FGF10: variants seen among roughly 807,000 people sequenced by gnomAD.
FGF10 encodes fibroblast growth factor 10, also known as FGF-10.
In FGF10, 2 loss-of-function variants were observed where a neutral mutation model predicts 19.8. That is an observed-to-expected ratio of 0.10 (90% confidence interval 0.04 to 0.32). FGF10 has a LOEUF of 0.32. Ranked by LOEUF, FGF10 falls within the 10% of genes least tolerant of loss-of-function variation. FGF10 has a pLI of 1.00. For missense variants in FGF10, 191 were observed against 246.3 expected (o/e 0.78, Z 1.50); for synonymous variants, 112 against 94.0 (o/e 1.19, Z -1.10).
chr5:44,340,049 G>C (rs1330263691), intron 1 of FGF10, among the ~76,000 whole-genome samples: 5 of 152,064 alleles, frequency 3.3e-5, no homozygotes, highest in African/African-American at 1.2e-4. Context: ...TTGTCCCAGT[G>C]ACCACTTGCC....
intron 1 of FGF10, among the ~76,000 whole-genome samples, chr5:44,376,502 A>AAAAC (rs778580039): frequency 2.6e-5 from 3 of 113,574 alleles, no homozygotes; most frequent in East Asian, 4.0e-4. Context: ...AAAAAAAAAA[A>AAAAC]AAAAAAAAAA....
At chr5:44,366,127 CTTTT>C (rs35522683) in intron 1 of FGF10, among the ~76,000 whole-genome samples, 1 of 74,810 alleles carries the variant, frequency 1.3e-5, no homozygotes, top group African/African-American at 5.1e-5. Flanking sequence ...CAATTATTTC[CTTTT>C]TTTTTTTTTT....
intron 1 of FGF10, among the ~76,000 whole-genome samples, chr5:44,343,882 G>T (rs1402978498): frequency 6.6e-6 from 1 of 151,858 alleles, no homozygotes; most frequent in Non-Finnish European, 1.5e-5. Flanking sequence ...GAGTCAATTT[G>T]CAGGAAAAGA....
At chr5:44,373,746 T>C (rs947117072) in intron 1 of FGF10, among the ~76,000 whole-genome samples, 1 of 152,182 alleles carries the variant, frequency 6.6e-6, no homozygotes, top group Admixed American at 6.5e-5. Context: ...TTCTCTACTG[T>C]GCCTCACACC....
chr5:44,368,723 C>G (rs2111878096), intron 1 of FGF10, among the ~76,000 whole-genome samples: 1 of 152,106 alleles, frequency 6.6e-6, no homozygotes, highest in African/African-American at 2.4e-5. Flanking sequence ...GGCTAGGGTT[C>G]AGTGGCACCA....
In FGF10 at chr5:44,388,506, AGAG is replaced by A. The variant is rs1346852406; in HGVS notation, c.174_176del (p.Ser59del). 5 of 1,614,102 alleles carry A rather than the reference AGAG, an allele frequency of 3.1e-6. No homozygotes were observed. The highest frequency in any genetic ancestry group is 1.7e-5 in the Admixed American group (1 of 60,022). On this transcript the variant is annotated inframe_deletion, in exon 1 of 3. Transcript: ENST00000264664. ...GCACATGCCTTCCCGCGCTGGAAGGAGAGGAGAAGGAGGAGGAAGAAGAGTTGG... is the reference window on the plus strand; with the variant it reads ...GCACATGCCTTCCCGCGCTGGAAGGAGAGAAGGAGGAGGAAGAAGAGTTGG...
chr5:44,343,119 A>C (rs989107793), intron 1 of FGF10, among the ~76,000 whole-genome samples: 18 of 152,052 alleles, frequency 1.2e-4, no homozygotes, highest in Non-Finnish European at 2.1e-4. Flanking sequence ...TTTGTTTACA[A>C]AAATAATTTT....
intron 1 of FGF10, among the ~76,000 whole-genome samples, chr5:44,349,805 T>C (rs916343339): frequency 1.1e-4 from 16 of 151,256 alleles, no homozygotes; most frequent in African/African-American, 3.9e-4. Context: ...GTTAAGGTCA[T>C]AGTCTTTGGA....
At position 44,355,061 on chromosome 5, in the gene FGF10, A is replaced by G. The variant is rs17234128; in HGVS notation, c.325+33297T>C. On this transcript the variant is annotated intron_variant, in intron 1 of 2. Coordinates refer to ENST00000264664, the MANE Select transcript of FGF10 (RefSeq NM_004465.2). ...TTCGCATGTACCTAGTCTCTAAATT[A>G]TGTGTGCACATAGTGTATAGAACTA... 1.3e-4 allele frequency among the ~76,000 whole-genome samples: 19 copies of G among 151,604 alleles called. No homozygotes were observed. In the East Asian group the frequency reaches 2.0e-3, roughly 16 times the overall value.
At chr5:44,379,298 T>C (rs1275589692) in intron 1 of FGF10, among the ~76,000 whole-genome samples, 1 of 152,232 alleles carries the variant, frequency 6.6e-6, no homozygotes, top group African/African-American at 2.4e-5. Context: ...ACAATGCATT[T>C]ATTCGTGCCT....
chr5:44,313,662 C>T (rs192112160), intron 1 of FGF10, among the ~76,000 whole-genome samples: 43 of 151,796 alleles, frequency 2.8e-4, no homozygotes, highest in African/African-American at 9.7e-4. Context: ...TTATATTTCC[C>T]ATTCATGTAA....
At chr5:44,340,168 G>A (rs1233747239) in intron 1 of FGF10, among the ~76,000 whole-genome samples, 1 of 152,070 alleles carries the variant, frequency 6.6e-6, no homozygotes, top group Admixed American at 6.6e-5. Context: ...AAAAATGACG[G>A]GAGCAGATGA....
chr5:44,377,286 G>A (rs1741888504), intron 1 of FGF10, among the ~76,000 whole-genome samples: 1 of 152,036 alleles, frequency 6.6e-6, no homozygotes, highest in Non-Finnish European at 1.5e-5. Context: ...TGCCTTATAT[G>A]CTCTTCCAAC....
intron 1 of FGF10, among the ~76,000 whole-genome samples, chr5:44,326,811 T>A (rs529494110): frequency 6.6e-6 from 1 of 152,314 alleles, no homozygotes; most frequent in African/African-American, 2.4e-5. Flanking sequence ...AATAAATTTA[T>A]CTGAAGAAAC....
chr5:44,369,298 C>G (rs2111879624), intron 1 of FGF10, among the ~76,000 whole-genome samples: 1 of 152,220 alleles, frequency 6.6e-6, no homozygotes, highest in East Asian at 1.9e-4. Context: ...CATTAAAGAA[C>G]TCTTTGAGTT....
intron 1 of FGF10, among the ~76,000 whole-genome samples, chr5:44,384,648 G>T (rs909900154): frequency 6.6e-6 from 1 of 152,100 alleles, no homozygotes; most frequent in Non-Finnish European, 1.5e-5. Flanking sequence ...ATGTCTAGTT[G>T]AATGACCTTG....
rs111997652 is a variant in FGF10 at position 44,323,813 on chromosome 5, G to T, written c.326-13283C>A. ...TGCTTACATTGTTTTAAAGTAGTAT[G>T]TTCTTGAGAAAGTGCTCATGCCCTT... On this transcript the variant is annotated intron_variant, in intron 1 of 2. Coordinates refer to ENST00000264664, the MANE Select transcript of FGF10 (RefSeq NM_004465.2). Among the ~76,000 whole-genome samples the T allele has an allele frequency of 7.9e-5, 12 of 152,170 alleles. 3 individuals carry two copies. Among genetic ancestry groups the T allele is most frequent in the African/African-American group, 2.6e-4 (11 of 41,560 alleles).
intron 1 of FGF10, among the ~76,000 whole-genome samples, chr5:44,382,417 A>C (rs1490242584): frequency 6.6e-6 from 1 of 152,206 alleles, no homozygotes; most frequent in Non-Finnish European, 1.5e-5. Context: ...TCTGTAAAAC[A>C]TCAACATTTT....
chr5:44,360,866 C>G (rs1453247395), intron 1 of FGF10, among the ~76,000 whole-genome samples: 1 of 151,682 alleles, frequency 6.6e-6, no homozygotes, highest in Non-Finnish European at 1.5e-5. Context: ...AATGGCCTGA[C>G]TACTTTATCG....
Sources: gnomAD v4.1 joint callset for allele counts (sites outside exome capture counted in the v4.1 genomes callset) on GRCh38, gnomAD v4.1.1 for gene constraint, MANE v1.5 for transcripts, NCBI Gene and HGNC (gene_info 2026-07-23, HGNC 2026-07-21) for gene names.